SMARCA2: variants seen among roughly 807,000 people sequenced by gnomAD.
SMARCA2 encodes SWI/SNF-related matrix-associated actin-dependent regulator of chromatin subfamily A member 2.
In SMARCA2, 61 loss-of-function variants were observed where a neutral mutation model predicts 199.8. That is an observed-to-expected ratio of 0.31 (90% confidence interval 0.25 to 0.38). The LOEUF (loss-of-function observed/expected upper bound fraction) is 0.38, where lower values mean the gene tolerates loss of function less well. Among genes scored for constraint, SMARCA2 ranks in the 10% least tolerant of loss-of-function variants. The pLI is 1.00. For missense variants in SMARCA2, 1,344 were observed against 2,012.2 expected, an observed-to-expected ratio of 0.67 and a Z score of 6.35; for synonymous variants, 935 against 732.0, an observed-to-expected ratio of 1.28 and a Z score of -4.48.
rs753807887 is a variant in SMARCA2, at chr9:2,054,682, G to T, written c.1132G>T (p.Val378Leu). 1 of 1,614,056 alleles carries T rather than the reference G, an allele frequency of 6.2e-7. No homozygotes were observed. Among genetic ancestry groups the T allele is most frequent in the East Asian group, 2.2e-5 (1 of 44,866 alleles). Reference protein sequence around the residue: ...LPPDLRTKATVELKALRLLNF... With the variant: ...LPPDLRTKATLELKALRLLNF... ...ACCAGATTTAAGAACCAAAGCAACCGTGGAACTAAAAGCACTTCGGTTACT... is the reference window on the plus strand; with the variant it reads ...ACCAGATTTAAGAACCAAAGCAACCTTGGAACTAAAAGCACTTCGGTTACT... Residue 378 changes from valine to leucine, a missense_variant, in exon 6 of 34, where the codon GTG becomes TTG. This residue lies in a region of SMARCA2 where 155 missense variants were observed against 260.0 expected (regional missense o/e 0.60). Coordinates refer to ENST00000349721, the MANE Select transcript of SMARCA2 (RefSeq NM_003070.5).
chr9:2,189,483 A>G (rs546723607), intron 32 of SMARCA2, among the ~76,000 whole-genome samples: 1 of 152,204 alleles, frequency 6.6e-6, no homozygotes, highest in South Asian at 2.1e-4. Context: ...TGTGTCAGGG[A>G]GAGCCCACAC....
intron 17 of SMARCA2, 135 bp downstream of exon 17, chr9:2,084,331 G>T: frequency 1.7e-6 from 1 of 588,336 alleles, no homozygotes; most frequent in Non-Finnish European, 3.0e-6. Flanking sequence ...TTTTTTCAGA[G>T]TTTGATATGT....
intron 3 of SMARCA2, among the ~76,000 whole-genome samples, chr9:2,035,740 A>G (rs1411966447): frequency 6.6e-6 from 1 of 152,244 alleles, no homozygotes; most frequent in Non-Finnish European, 1.5e-5. Flanking sequence ...ATAACTTTAA[A>G]TGCAAAGGTC....
In SMARCA2 at chr9:2,161,661, T is replaced by C. The variant is rs527718130; in HGVS notation, c.3982-25T>C. The C allele has an allele frequency of 6.5e-7, 1 of 1,530,064 alleles. No individual in the cohort carries two copies. The highest frequency in any genetic ancestry group is 2.2e-5 in the East Asian group (1 of 44,446). 94.8% of individuals were successfully genotyped at this position (1,530,064 alleles called of 1,614,324 possible). ...CTTGGTTATTCTCTTGTCTTGAATT[T>C]GTCTCCTTTGTTTCCAACGAACAGG... On this transcript the variant is annotated intron_variant, in intron 27 of 33. Transcript: ENST00000349721. This position sits in a 1 kb window ranked among gnomAD's most constrained non-coding sequence, Gnocchi z 4.7.
At chr9:2,165,676 A>C (rs932106760) in intron 28 of SMARCA2, among the ~76,000 whole-genome samples, 1 of 152,176 alleles carries the variant, frequency 6.6e-6, no homozygotes, top group Non-Finnish European at 1.5e-5. Context: ...TATTTAACCT[A>C]AGACTGTTCT....
rs1405757348 is a variant in SMARCA2, at chr9:2,123,880, C to G, written c.3924C>G (p.Ser1308=). 4 of 1,599,224 alleles carry G rather than the reference C, an allele frequency of 2.5e-6. No homozygotes were observed. Among genetic ancestry groups the G allele is most frequent in the South Asian group, 2.3e-5 (2 of 88,506 alleles). ...EEEEKIFGRG[S]RQRRDVDYSD... ...AGGAGAAAATATTTGGGAGGGGGTCCCGCCAGCGCCGTGACGTGGACTACA... is the reference window on the plus strand; with the variant it reads ...AGGAGAAAATATTTGGGAGGGGGTCGCGCCAGCGCCGTGACGTGGACTACA... Residue 1308 remains serine (S), a synonymous_variant, in exon 27 of 34, where the codon TCC becomes TCG. Transcript: ENST00000349721. The surrounding 1 kb of genome is among the most constrained non-coding windows in gnomAD (Gnocchi z 4.1).
chr9:2,148,904 G>T (rs1204602335), intron 27 of SMARCA2, among the ~76,000 whole-genome samples: 1 of 151,418 alleles, frequency 6.6e-6, no homozygotes, highest in Non-Finnish European at 1.5e-5. Flanking sequence ...CTGGTCTCCT[G>T]GTGTCTCCTT....
In SMARCA2 at chr9:2,159,949, G is replaced by A. The variant is rs758829201; in HGVS notation, c.3982-1737G>A. On this transcript the variant is annotated intron_variant, in intron 27 of 33. Transcript: ENST00000349721. ...TCGTTGCCGTCTTGAAGATTCAGTA[G>A]AACTACATCCCAGGCATGTGTAGGT... is the stretch of plus-strand genomic sequence containing the variant. The A allele has an allele frequency of 1.9e-6, 3 of 1,583,944 alleles. No homozygotes were observed. The South Asian group carries it at 3.4e-5, about 18-fold the overall frequency.
In SMARCA2 at chr9:2,039,520, C is replaced by G; in HGVS notation, c.410C>G (p.Pro137Arg). ...GGAGCCCCAGAGCACGTCTCCAGCCCTATGTCTGGAGGAGGCCCAACTCCA... is the reference window on the plus strand; with the variant it reads ...GGAGCCCCAGAGCACGTCTCCAGCCGTATGTCTGGAGGAGGCCCAACTCCA... The part of the protein sequence containing the change: ...PLGAPEHVSS[P>R]MSGGGPTPPQ... The change falls in exon 4 of 34, where the codon CCT becomes CGT. Residue 137 changes from proline (P) to arginine (R), a missense_variant. Transcript: ENST00000349721. This position sits in a 1 kb window ranked among gnomAD's most constrained non-coding sequence, Gnocchi z 4.8. The G allele has an allele frequency of 6.2e-7, 1 of 1,613,854 alleles. No individual in the cohort carries two copies. The highest frequency in any genetic ancestry group is 8.5e-7 in the Non-Finnish European group (1 of 1,179,778).
chr9:2,157,867 C>A (rs536353650), intron 27 of SMARCA2: 1 of 398,504 alleles, frequency 2.5e-6, no homozygotes, highest in Non-Finnish European at 4.4e-6. Context: ...CTGGACCTGC[C>A]GTCACGCAGT....
intron 13 of SMARCA2, among the ~76,000 whole-genome samples, chr9:2,076,580 C>T (rs938734439): frequency 6.6e-6 from 1 of 151,862 alleles, no homozygotes; most frequent in Non-Finnish European, 1.5e-5. Flanking sequence ...CCTTCTCTCT[C>T]CTTAATCCCC....
intron 25 of SMARCA2, among the ~76,000 whole-genome samples, chr9:2,117,310 C>G (rs896017448): frequency 3.4e-4 from 52 of 152,004 alleles, no homozygotes; most frequent in Non-Finnish European, 6.0e-4. Context: ...ATTTGTCCGT[C>G]TTATATTTTT....
intron 30 of SMARCA2, 39 bp from the exon 31 acceptor site, chr9:2,182,102 C>G (rs1253057119): frequency 7.8e-7 from 1 of 1,278,536 alleles, no homozygotes; most frequent in East Asian, 2.3e-5. Context: ...ATTTTCCTCT[C>G]CCTCTTTTTT....
At chr9:2,034,485 C>G (rs1819230308) in intron 3 of SMARCA2, among the ~76,000 whole-genome samples, 1 of 152,152 alleles carries the variant, frequency 6.6e-6, no homozygotes, top group South Asian at 2.1e-4. Context: ...ATTTCAGAGT[C>G]ATTATGTGGT....
intron 27 of SMARCA2, among the ~76,000 whole-genome samples, chr9:2,145,283 A>C (rs554049821): frequency 6.7e-6 from 1 of 149,872 alleles, no homozygotes; most frequent in Non-Finnish European, 1.5e-5. Flanking sequence ...AGCCTGGGTG[A>C]CAGAGTGAAG....
intron 6 of SMARCA2, among the ~76,000 whole-genome samples, chr9:2,055,395 G>A (rs1820306675): frequency 6.6e-6 from 1 of 152,190 alleles, no homozygotes; most frequent in African/African-American, 2.4e-5. Context: ...TCACTTTGGC[G>A]AGTTTTGCCT....
chr9:2,059,261 A>G (rs968122188), intron 8 of SMARCA2, among the ~76,000 whole-genome samples: 31 of 152,346 alleles, frequency 2.0e-4, no homozygotes, highest in Non-Finnish European at 4.4e-4. Flanking sequence ...CATTAGTCTC[A>G]GACCATAATT....
rs758323220 is a variant in SMARCA2 at position 2,170,029 on chromosome 9, C to G, written c.4200-390C>G. On this transcript the variant is annotated intron_variant, in intron 28 of 33. Coordinates refer to ENST00000349721, the MANE Select transcript of SMARCA2 (RefSeq NM_003070.5). The surrounding 1 kb of genome is among the most constrained non-coding windows in gnomAD (Gnocchi z 4.7). ...TTATAACTTTCTGAGGTAAGTATTT[C>G]CCCCATTTTACAAATGAGGGGCTAA... Among the ~76,000 whole-genome samples the G allele has an allele frequency of 1.3e-4, 20 of 152,058 alleles. No individual in the cohort carries two copies. The highest frequency in any genetic ancestry group is 2.5e-4 in the Non-Finnish European group (17 of 68,020).
At chr9:2,152,908 G>A (rs1278114366) in intron 27 of SMARCA2, among the ~76,000 whole-genome samples, 14 of 152,032 alleles carry the variant, frequency 9.2e-5, no homozygotes, top group Admixed American at 9.2e-4. Context: ...TGTGAAGAAA[G>A]ATGTAGGATC....
Sources: gnomAD v4.1 joint callset for allele counts (sites outside exome capture counted in the v4.1 genomes callset) on GRCh38, gnomAD v4.1.1 for gene constraint, gnomAD v4.1.1 regional missense constraint, Gnocchi (gnomAD v3.1) non-coding constraint, MANE v1.5 for transcripts, NCBI Gene and HGNC (gene_info 2026-07-23, HGNC 2026-07-21) for gene names.